DTNA: variants seen among roughly 807,000 people sequenced by gnomAD.
DTNA encodes dystrobrevin alpha.
In DTNA, 43 loss-of-function variants were observed where a neutral mutation model predicts 100.7. The ratio of observed to expected loss-of-function variants is 0.43; its 90% confidence interval spans 0.33 to 0.55. The LOEUF (loss-of-function observed/expected upper bound fraction) is 0.55. Ranked by LOEUF, DTNA falls within the 20% of genes least tolerant of loss-of-function variation. The probability of loss-of-function intolerance (pLI) is 0.04; values close to 1 mark genes in which losing one functional copy is unlikely to be tolerated. For synonymous variants in DTNA, 349 were observed against 347.9 expected, an observed-to-expected ratio of 1.00 and a Z score of -0.04; for missense variants, 798 against 953.9, an observed-to-expected ratio of 0.84 and a Z score of 2.15.
At chr18:34,716,131 A>T (rs147727301) in intron 1 of DTNA, among the ~76,000 whole-genome samples, 324 of 152,358 alleles carry the variant, frequency 2.1e-3, no homozygotes, top group African/African-American at 7.7e-3. Context: ...TACTACTAGG[A>T]ATATGTCCTA....
intron 17 of DTNA, among the ~76,000 whole-genome samples, chr18:34,872,615 T>C (rs1364157203): frequency 6.6e-6 from 1 of 152,238 alleles, no homozygotes; most frequent in Non-Finnish European, 1.5e-5. Flanking sequence ...TAAGAGATTG[T>C]AGGCCTGTAC....
chr18:34,655,313 G>A (rs986614900), intron 1 of DTNA, among the ~76,000 whole-genome samples: 29 of 151,990 alleles, frequency 1.9e-4, no homozygotes, highest in Non-Finnish European at 3.7e-4. Flanking sequence ...GGGAAGATTA[G>A]CATCACCCAA....
intron 1 of DTNA, among the ~76,000 whole-genome samples, chr18:34,713,997 A>C (rs1382165712): frequency 6.6e-6 from 1 of 152,000 alleles, no homozygotes; most frequent in Non-Finnish European, 1.5e-5. Context: ...TTCCCTATTT[A>C]ATAAATGGTG....
intron 1 of DTNA, among the ~76,000 whole-genome samples, chr18:34,613,922 A>G (rs901253722): frequency 1.3e-5 from 2 of 152,252 alleles, no homozygotes; most frequent in African/African-American, 4.8e-5. Flanking sequence ...ACAGCTTTCT[A>G]TAGGAAGAAG....
intron 1 of DTNA, among the ~76,000 whole-genome samples, chr18:34,572,762 A>G (rs938916505): frequency 1.3e-5 from 2 of 152,118 alleles, no homozygotes; most frequent in Non-Finnish European, 2.9e-5. Context: ...CACCTGCTGT[A>G]TTTACCTTGC....
At chr18:34,643,238 G>C (rs1401016141) in intron 1 of DTNA, among the ~76,000 whole-genome samples, 1 of 152,114 alleles carries the variant, frequency 6.6e-6, no homozygotes, top group Non-Finnish European at 1.5e-5. Flanking sequence ...TAGAGCCCAT[G>C]GGTTCTTAGC....
intron 1 of DTNA, among the ~76,000 whole-genome samples, chr18:34,633,882 G>A (rs1036165885): frequency 6.6e-6 from 1 of 152,138 alleles, no homozygotes; most frequent in African/African-American, 2.4e-5. Context: ...CATCAAAATT[G>A]GTTTCTGTGG....
intron 1 of DTNA, among the ~76,000 whole-genome samples, chr18:34,671,091 C>T (rs1254031705): frequency 6.6e-6 from 1 of 152,204 alleles, no homozygotes; most frequent in Non-Finnish European, 1.5e-5. Context: ...TTCCCAGCTG[C>T]AGCTTTGTTT....
chr18:34,515,802 T>C (rs1387256744), intron 1 of DTNA, among the ~76,000 whole-genome samples: 2 of 152,138 alleles, frequency 1.3e-5, no homozygotes, highest in Non-Finnish European at 2.9e-5. Context: ...GTCCCAGTGA[T>C]ATTTTTCATA....
intron 1 of DTNA, among the ~76,000 whole-genome samples, chr18:34,555,737 G>C (rs539640683): frequency 6.6e-6 from 1 of 152,292 alleles, no homozygotes; most frequent in African/African-American, 2.4e-5. Context: ...TGTGGTCTGA[G>C]AGATAGTTTG....
At chr18:34,806,681 T>C (rs1252765476) in intron 5 of DTNA, among the ~76,000 whole-genome samples, 1 of 152,206 alleles carries the variant, frequency 6.6e-6, no homozygotes, top group Non-Finnish European at 1.5e-5. Context: ...GCAAGACTCT[T>C]GGCACATTTC....
rs528575623 is a variant in DTNA at position 34,757,454 on chromosome 18, A to G, written c.67+1411A>G. Among the ~76,000 whole-genome samples, 3 of 152,330 alleles carry G rather than the reference A, an allele frequency of 2.0e-5. No homozygotes were observed. In the East Asian group the frequency reaches 5.8e-4, roughly 29 times the overall value. On this transcript the variant is annotated intron_variant, in intron 2 of 22. Coordinates refer to ENST00000444659, the MANE Select transcript of DTNA (RefSeq NM_001386795.1). ...AAAATATTTACCATAAAAAGGCAAT[A>G]AAATCTGGGGAAAAATATTTGAACT...
At chr18:34,799,047 A>T (rs1267292723) in intron 4 of DTNA, among the ~76,000 whole-genome samples, 1 of 152,224 alleles carries the variant, frequency 6.6e-6, no homozygotes, top group Non-Finnish European at 1.5e-5. Context: ...TGATGCTTAC[A>T]TTCCTAATCT....
chr18:34,535,264 C>T (rs979688222), intron 1 of DTNA, among the ~76,000 whole-genome samples: 3 of 151,818 alleles, frequency 2.0e-5, no homozygotes, highest in Non-Finnish European at 4.4e-5. Flanking sequence ...CTTTTTTTCA[C>T]GTTTCTTGGC....
chr18:34,845,032 C>T (rs1221170214), intron 13 of DTNA, among the ~76,000 whole-genome samples: 2 of 152,124 alleles, frequency 1.3e-5, no homozygotes, highest in Non-Finnish European at 2.9e-5. Context: ...AGCAAGATTA[C>T]TGATTATAAA....
chr18:34,801,692 G>A (rs1046095622), intron 4 of DTNA, among the ~76,000 whole-genome samples: 2 of 151,740 alleles, frequency 1.3e-5, no homozygotes, highest in African/African-American at 4.8e-5. Context: ...TTGTATTTTA[G>A]TAGAGACGGG....
At chr18:34,883,704 T>A (rs2096895638) in intron 21 of DTNA, among the ~76,000 whole-genome samples, 1 of 152,226 alleles carries the variant, frequency 6.6e-6, no homozygotes, top group Non-Finnish European at 1.5e-5. Context: ...ATTTCTCATA[T>A]GTCTATAGAT....
chr18:34,601,343 G>A (rs142558469), intron 1 of DTNA, among the ~76,000 whole-genome samples: 16 of 152,318 alleles, frequency 1.1e-4, no homozygotes, highest in Non-Finnish European at 2.1e-4. Context: ...TAACTTTTGG[G>A]TGTTGCCATA....
chr18:34,679,744 A>C (rs1309970636), intron 1 of DTNA, among the ~76,000 whole-genome samples: 1 of 152,158 alleles, frequency 6.6e-6, no homozygotes, highest in African/African-American at 2.4e-5. Context: ...AATGCCTTTC[A>C]GTTTCGTACC....
Sources: allele counts gnomAD v4.1 joint callset (sites outside exome capture counted in the v4.1 genomes callset), GRCh38; gene constraint gnomAD v4.1.1; transcripts MANE v1.5; gene names NCBI Gene and HGNC (gene_info 2026-07-23, HGNC 2026-07-21).